The following ZSCAN31 variants were observed in gnomAD, a reference collection of about 807,000 sequenced individuals.
The protein encoded by ZSCAN31 is zinc finger and SCAN domain containing 31, also known as zinc finger and SCAN domain-containing protein 31.
ZSCAN31 carries 14 observed loss-of-function variants against 22.5 expected under a neutral mutation model. The observed-to-expected ratio is 0.62, with a 90% CI of 0.41 to 0.97. ZSCAN31 has a LOEUF of 0.97. Among genes scored for constraint, ZSCAN31 ranks in the 50% least tolerant of loss-of-function variants. The pLI, the probability that ZSCAN31 is intolerant of heterozygous loss-of-function variation, is 0.00. For missense variants in ZSCAN31, 424 were observed against 483.4 expected, an observed-to-expected ratio of 0.88 and a Z score of 1.15; for synonymous variants, 168 against 169.8, an observed-to-expected ratio of 0.99 and a Z score of 0.08.
At chr6:28,341,613 G>T (rs1051617290) in intron 3 of ZSCAN31, 2 of 152,234 alleles carry the variant, frequency 1.3e-5, no homozygotes, top group Admixed American at 1.3e-4. Flanking sequence ...CTTCCCCCAA[G>T]TGGGCACAGC....
intron 2 of ZSCAN31, among the ~76,000 whole-genome samples, 178 bp downstream of exon 2, chr6:28,329,125 G>A (rs556769122): frequency 6.6e-6 from 1 of 152,294 alleles, no homozygotes; most frequent in East Asian, 1.9e-4. Context: ...TCTTGGAAGT[G>A]GATCCGCCCA....
upstream of ZSCAN31, among the ~76,000 whole-genome samples, chr6:28,340,139 A>T (rs1764358301): frequency 6.6e-6 from 1 of 152,258 alleles, no homozygotes; most frequent in Non-Finnish European, 1.5e-5. Context: ...TGACTGTTAC[A>T]GTAATTACAA....
Position 28,331,533 on chromosome 6 carries a change from GA to G in ZSCAN31, c.-95-1756del, listed in dbSNP as rs1386178472. On this transcript the variant is annotated intron_variant, in intron 1 of 3. Coordinates refer to ENST00000344279, the MANE Select transcript of ZSCAN31 (RefSeq NM_030899.5). This position sits in a 1 kb window ranked among gnomAD's most constrained non-coding sequence, Gnocchi z 4.8. The stretch of plus-strand genomic sequence containing the variant: ...TCACATAAAATGATGTTACAGAATT[GA>G]GAATTTGAAGAGTTACAAAGATCAT... Among the ~76,000 whole-genome samples, 1 of 152,192 alleles carries G rather than the reference GA, an allele frequency of 6.6e-6. No individual in the cohort carries two copies. Among genetic ancestry groups the G allele is most frequent in the African/African-American group, 2.4e-5 (1 of 41,440 alleles).
chr6:28,330,760 T>C (rs1681863593), intron 1 of ZSCAN31, among the ~76,000 whole-genome samples: 1 of 152,144 alleles, frequency 6.6e-6, no homozygotes, highest in Non-Finnish European at 1.5e-5. Context: ...TAATATCAGA[T>C]GATGAATGCT....
chr6:28,335,383 G>A (rs927834283), intron 1 of ZSCAN31: 3 of 152,262 alleles, frequency 2.0e-5, no homozygotes, highest in Non-Finnish European at 2.9e-5. Flanking sequence ...AAGGGAACAA[G>A]GCCTGACACA....
chr6:28,337,538 G>A (rs1227676917), upstream of ZSCAN31, among the ~76,000 whole-genome samples: 1 of 152,160 alleles, frequency 6.6e-6, no homozygotes, highest in Non-Finnish European at 1.5e-5. Context: ...TTAAGAGGTT[G>A]AATTGATTTT....
At chr6:28,343,988 C>T (rs1409675366) in intron 2 of ZSCAN31, among the ~76,000 whole-genome samples, 1 of 152,094 alleles carries the variant, frequency 6.6e-6, no homozygotes, top group Non-Finnish European at 1.5e-5. Context: ...TTCCCAGGGG[C>T]TATGTTATCT....
chr6:28,346,686 A>G (rs948947034), intron 2 of ZSCAN31, among the ~76,000 whole-genome samples: 1 of 152,048 alleles, frequency 6.6e-6, no homozygotes, highest in Admixed American at 6.6e-5. Context: ...TATTAAATGG[A>G]CAAGTGCAGC....
At position 28,336,086 on chromosome 6, in the gene ZSCAN31, G is replaced by A. The variant is rs1281735892; in HGVS notation, c.-100C>T. On this transcript the variant is annotated 5_prime_UTR_variant, in exon 1 of 4. Coordinates refer to ENST00000344279, the MANE Select transcript of ZSCAN31 (RefSeq NM_030899.5). ...CGACAAGGGGCCAAGACTCACCTTCGGGGCACCGGCAAGCTACGGAACAGG... is the reference window on the plus strand; with the variant it reads ...CGACAAGGGGCCAAGACTCACCTTCAGGGCACCGGCAAGCTACGGAACAGG... 1.3e-5 allele frequency: 2 copies of A among 152,450 alleles called. No homozygotes were observed. Among genetic ancestry groups the A allele is most frequent in the African/African-American group, 4.8e-5 (2 of 41,458 alleles). 9.4% of individuals were successfully genotyped at this position (152,450 alleles called of 1,614,324 possible).
chr6:28,345,890 A>C (rs974697256), intron 2 of ZSCAN31, among the ~76,000 whole-genome samples: 4 of 152,194 alleles, frequency 2.6e-5, no homozygotes, highest in African/African-American at 7.2e-5. Flanking sequence ...CCTCCAGAGC[A>C]AAGTATAAAC....
chr6:28,337,060 C>T (rs2113839159), upstream of ZSCAN31: 1 of 152,154 alleles, frequency 6.6e-6, no homozygotes, highest in East Asian at 1.9e-4. Flanking sequence ...ATGCTAAGTA[C>T]GTATGTAGGA....
chr6:28,330,534 T>C (rs1244985164), intron 1 of ZSCAN31, among the ~76,000 whole-genome samples: 8 of 152,198 alleles, frequency 5.3e-5, no homozygotes, highest in African/African-American at 1.4e-4. Flanking sequence ...GAAATGCTCA[T>C]TGGAGCATTT....
Position 28,326,053 on chromosome 6 carries a change from T to C in ZSCAN31, c.*113A>G. 1 of 1,004,812 alleles carries C rather than the reference T, an allele frequency of 1.0e-6. No individual in the cohort carries two copies. Among genetic ancestry groups the C allele is most frequent in the South Asian group, 1.6e-5 (1 of 61,246 alleles). The allele number at this position is 1,004,812 out of a possible 1,614,324, so 62.2% of individuals were successfully genotyped here. Reference sequence around the variant, plus strand: ...AATCTTACTTTCCAAGACGGCCCCATTTAGGGGTCTGAGGGTCCACAGAAT... The same window carrying C: ...AATCTTACTTTCCAAGACGGCCCCACTTAGGGGTCTGAGGGTCCACAGAAT... On this transcript the variant is annotated 3_prime_UTR_variant, in exon 4 of 4. Coordinates refer to ENST00000344279, the MANE Select transcript of ZSCAN31 (RefSeq NM_030899.5).
chr6:28,330,453 A>G (rs1257632849), intron 1 of ZSCAN31, among the ~76,000 whole-genome samples: 2 of 152,266 alleles, frequency 1.3e-5, no homozygotes, highest in African/African-American at 4.8e-5. Flanking sequence ...TCTGGGAAGC[A>G]GAATTAGGTA....
At chr6:28,336,566 TGC>T (rs1360361380), upstream of ZSCAN31, among the ~76,000 whole-genome samples, 1 of 151,948 alleles carries the variant, frequency 6.6e-6, no homozygotes, top group Non-Finnish European at 1.5e-5. Context: ...GTTGGGGAAG[TGC>T]TGGCTAGTTG....
intron 2 of ZSCAN31, among the ~76,000 whole-genome samples, chr6:28,345,243 A>G (rs213241): frequency 0.081 from 12,350 of 152,036 alleles, 697 homozygotes; most frequent in African/African-American, 0.14. Context: ...GGATGGACCT[A>G]TAAGAGTGGG....
At position 28,351,811 on chromosome 6, in the gene ZSCAN31, G is replaced by A. The variant is rs969444114; in HGVS notation, c.-371+2051C>T. ...TTTCATTTTATAGCAAATTGCAGAT[G>A]GAAACATTTTAGTTCACTCACAAGT... On this transcript the variant is annotated intron_variant, in intron 2 of 7. Coordinates refer to the ZSCAN31 transcript ENST00000396838. This position sits in a 1 kb window ranked among gnomAD's most constrained non-coding sequence, Gnocchi z 4.6. 2.6e-5 allele frequency among the ~76,000 whole-genome samples: 4 copies of A among 151,298 alleles called. No individual in the cohort carries two copies. The highest frequency in any genetic ancestry group is 5.9e-5 in the Non-Finnish European group (4 of 67,928).
At chr6:28,344,707 C>G (rs1460152552) in intron 2 of ZSCAN31, among the ~76,000 whole-genome samples, 1 of 152,190 alleles carries the variant, frequency 6.6e-6, no homozygotes, top group Non-Finnish European at 1.5e-5. Context: ...GGGAATTCCA[C>G]CCAGTGGGCA....
upstream of ZSCAN31, chr6:28,336,239 T>C (rs58019071): frequency 0.099 from 15,132 of 152,260 alleles, 1,113 homozygotes; most frequent in East Asian, 0.31. Context: ...GGCTGCTGCT[T>C]GGTGACTCCC....
Sources: allele counts gnomAD v4.1 joint callset (sites outside exome capture counted in the v4.1 genomes callset), GRCh38; gene constraint gnomAD v4.1.1; non-coding constraint Gnocchi (gnomAD v3.1); transcripts MANE v1.5; gene names NCBI Gene and HGNC (gene_info 2026-07-23, HGNC 2026-07-21).